SMAD1: variants seen among roughly 807,000 people sequenced by gnomAD.
SMAD1 encodes SMAD family member 1.
In SMAD1, 6 loss-of-function variants were observed where a neutral mutation model predicts 41.6. The ratio of observed to expected loss-of-function variants is 0.14; its 90% CI spans 0.08 to 0.28. SMAD1 has a LOEUF of 0.28. Ranked by LOEUF, SMAD1 falls within the 10% of genes least tolerant of loss-of-function variation. The probability of loss-of-function intolerance (pLI) is 1.00; values close to 1 mark genes in which losing one functional copy is unlikely to be tolerated. For synonymous variants in SMAD1, 206 were observed against 203.2 expected (o/e 1.01, Z -0.12); for missense variants, 379 against 582.6 (o/e 0.65, Z 3.60).
rs577054026 is a variant in SMAD1 at position 145,552,448 on chromosome 4, T to A, written c.998-1336T>A. On this transcript the variant is annotated intron_variant, in intron 5 of 6. Transcript: ENST00000302085. ...GTGACCTGTATAAAGTCATCTTCCA[T>A]AATGGTGTGGGGCTTTGTGAGAATG... 2.0e-5 allele frequency among the ~76,000 whole-genome samples: 3 copies of A among 152,324 alleles called. No homozygotes were observed. In the South Asian group the frequency reaches 6.2e-4, roughly 32 times the overall value.
chr4:145,483,017 C>A (rs554073941), intron 1 of SMAD1: 1 of 152,222 alleles, frequency 6.6e-6, no homozygotes, highest in South Asian at 2.1e-4. Context: ...GGAGGAGGAA[C>A]AAATGCCTGC....
At chr4:145,532,610 T>C (rs1402239075) in intron 2 of SMAD1, among the ~76,000 whole-genome samples, 1 of 152,210 alleles carries the variant, frequency 6.6e-6, no homozygotes, top group African/African-American at 2.4e-5. Context: ...CAGATTCTTA[T>C]TCAAATTAAC....
At chr4:145,540,241 A>G (rs527966404) in intron 3 of SMAD1, among the ~76,000 whole-genome samples, 180 bp downstream of exon 3, 20 of 152,364 alleles carry the variant, frequency 1.3e-4, no homozygotes, top group African/African-American at 4.1e-4. Context: ...CAAGTAAGCA[A>G]ATGTCTTATT....
At chr4:145,552,297 G>A (rs17020317) in intron 5 of SMAD1, among the ~76,000 whole-genome samples, 5,779 of 152,148 alleles carry the variant, frequency 0.038, 327 homozygotes, top group African/African-American at 0.12. Context: ...AATCCTAACC[G>A]CTGTGTATAC....
chr4:145,510,485 C>T (rs925587800), intron 1 of SMAD1, among the ~76,000 whole-genome samples: 2 of 152,050 alleles, frequency 1.3e-5, no homozygotes, highest in African/African-American at 4.8e-5. Context: ...TCTATTTCCT[C>T]TATAATTTCT....
chr4:145,542,331 G>T (rs1390082357), intron 3 of SMAD1, among the ~76,000 whole-genome samples: 1 of 152,262 alleles, frequency 6.6e-6, no homozygotes, highest in Non-Finnish European at 1.5e-5. Context: ...TAGGCAAACA[G>T]CTTCTGGAAC....
rs1732255458 is a variant in SMAD1 at position 145,546,416 on chromosome 4, T to C, written c.776-287T>C. On this transcript the variant is annotated intron_variant, in intron 4 of 6. Coordinates refer to ENST00000302085, the MANE Select transcript of SMAD1 (RefSeq NM_005900.3). The stretch of plus-strand genomic sequence containing the variant: ...ATATTACAGAGCAATTAGCATATTG[T>C]TAATATTCAGCAAAAGTTTTTGCTG... 1.2e-5 allele frequency: 5 copies of C among 402,356 alleles called. No homozygotes were observed. The South Asian group carries it at 1.5e-4, about 12-fold the overall frequency. 24.9% of individuals were successfully genotyped at this position (402,356 alleles called of 1,614,324 possible). A position where few individuals can be genotyped will look rare whatever the true frequency, so the allele number is the denominator to read the frequency against.
intron 2 of SMAD1, among the ~76,000 whole-genome samples, chr4:145,534,911 C>G (rs1284940951): frequency 6.6e-6 from 1 of 151,534 alleles, no homozygotes; most frequent in African/African-American, 2.4e-5. Flanking sequence ...GATAAATGTG[C>G]CTACCAAAAA....
At chr4:145,505,598 G>A (rs1457812838) in intron 1 of SMAD1, among the ~76,000 whole-genome samples, 6 of 143,752 alleles carry the variant, frequency 4.2e-5, no homozygotes, top group Admixed American at 6.9e-5. Context: ...CAGCCTGGGC[G>A]ACAGAGCAAG....
chr4:145,552,514 AG>A (rs1220146253), intron 5 of SMAD1, among the ~76,000 whole-genome samples: 1 of 152,154 alleles, frequency 6.6e-6, no homozygotes, highest in Non-Finnish European at 1.5e-5. Flanking sequence ...AAGGCAGGGT[AG>A]GCCCAATTTC....
At chr4:145,556,702 C>A (rs1204011238) in intron 6 of SMAD1, among the ~76,000 whole-genome samples, 1 of 152,076 alleles carries the variant, frequency 6.6e-6, no homozygotes, top group East Asian at 1.9e-4. Flanking sequence ...CAAGTGATCA[C>A]CTGCCTGAGA....
chr4:145,516,680 A>T (rs1191027881), intron 2 of SMAD1, among the ~76,000 whole-genome samples: 1 of 152,112 alleles, frequency 6.6e-6, no homozygotes, highest in Non-Finnish European at 1.5e-5. Context: ...TTTTTTCTAA[A>T]CTCAGCACAG....
In SMAD1 at chr4:145,539,907, C is replaced by T. The variant is rs1166765367; in HGVS notation, c.504C>T (p.Leu168=). ...GACAAAATGAGCCTCACATGCCACT[C>T]AACGCCACTTTTCCAGATTCTTTCC... The part of the protein sequence containing the change: ...NLGQNEPHMP[L]NATFPDSFQQ... The change falls in exon 3 of 7, where the codon CTC becomes CTT. Residue 168 remains leucine, a synonymous_variant. Transcript: ENST00000302085. 4 of 1,613,958 alleles carry T rather than the reference C, an allele frequency of 2.5e-6. No homozygotes were observed. In the South Asian group the frequency reaches 3.3e-5, roughly 13 times the overall value.
At chr4:145,521,283 C>G (rs1434601884) in intron 2 of SMAD1, among the ~76,000 whole-genome samples, 4 of 151,996 alleles carry the variant, frequency 2.6e-5, no homozygotes, top group Admixed American at 2.6e-4. Flanking sequence ...TTGCTATCTT[C>G]TGCTATTAAA....
intron 1 of SMAD1, among the ~76,000 whole-genome samples, chr4:145,495,802 TAAAG>T (rs1324606107): frequency 1.1e-4 from 16 of 141,574 alleles, no homozygotes; most frequent in South Asian, 4.6e-4. Flanking sequence ...TTTTTTTAAA[TAAAG>T]GCTATGTTGC....
chr4:145,515,158 G>GTA, intron 2 of SMAD1, 145 bp downstream of exon 2: 1 of 714,076 alleles, frequency 1.4e-6, no homozygotes, highest in South Asian at 2.1e-5. Context: ...GTGTGTGTGT[G>GTA]TGTGTGTGTG....
chr4:145,543,089 C>T (rs1732045953), intron 4 of SMAD1, among the ~76,000 whole-genome samples: 1 of 152,060 alleles, frequency 6.6e-6, no homozygotes, highest in South Asian at 2.1e-4. Flanking sequence ...GCCTCAGCCT[C>T]CTGAGTAGCT....
chr4:145,500,555 G>A lies in SMAD1; in HGVS notation c.-176-13883G>A, dbSNP rs138609882. Among the ~76,000 whole-genome samples the A allele has an allele frequency of 4.2e-3, 645 of 152,134 alleles. 4 individuals are homozygous for A. The highest frequency in any genetic ancestry group is 0.015 in the African/African-American group (629 of 41,508). On this transcript the variant is annotated intron_variant, in intron 1 of 6. Coordinates refer to ENST00000302085, the MANE Select transcript of SMAD1 (RefSeq NM_005900.3). Reference sequence around the variant, plus strand: ...GCTGTTCAGATACCACATTCACGACGAGGCTTTCCCTGACCACCAGAATGT... The same window carrying A: ...GCTGTTCAGATACCACATTCACGACAAGGCTTTCCCTGACCACCAGAATGT...
At chr4:145,549,861 C>T in intron 5 of SMAD1, among the ~76,000 whole-genome samples, 1 of 152,136 alleles carries the variant, frequency 6.6e-6, no homozygotes, top group East Asian at 1.9e-4. Flanking sequence ...AACCTAGGTT[C>T]ATAACATACA....
Sources: gnomAD v4.1 joint callset for allele counts (sites outside exome capture counted in the v4.1 genomes callset) on GRCh38, gnomAD v4.1.1 for gene constraint, MANE v1.5 for transcripts, NCBI Gene and HGNC (gene_info 2026-07-23, HGNC 2026-07-21) for gene names.